FSTL5: variants seen among roughly 807,000 people sequenced by gnomAD.
FSTL5 encodes the protein follistatin like 5.
A neutral mutation model predicts 89.1 loss-of-function variants in FSTL5; 62 were observed. That is an observed-to-expected ratio of 0.70 (90% CI 0.57 to 0.86). The LOEUF is 0.86. FSTL5 is among the 40% of genes least tolerant of loss of function. FSTL5 has a pLI of 0.00. For missense variants in FSTL5, 1,057 were observed against 1,001.6 expected (o/e 1.06, Z -0.75); for synonymous variants, 383 against 346.2 (o/e 1.11, Z -1.18).
intron 13 of FSTL5, among the ~76,000 whole-genome samples, chr4:161,473,134 T>C (rs1398441771): frequency 6.6e-6 from 1 of 152,166 alleles, no homozygotes; most frequent in African/African-American, 2.4e-5. Flanking sequence ...CTATTGTCAT[T>C]GGATAGGGTA....
At chr4:161,971,342 G>T (rs573015797) in intron 3 of FSTL5, among the ~76,000 whole-genome samples, 2 of 152,096 alleles carry the variant, frequency 1.3e-5, no homozygotes, top group South Asian at 2.1e-4. Context: ...AGAAATTTAT[G>T]TTACAAATCC....
At chr4:161,778,524 A>G (rs745318455) in intron 4 of FSTL5, among the ~76,000 whole-genome samples, 2 of 152,230 alleles carry the variant, frequency 1.3e-5, no homozygotes, top group Non-Finnish European at 2.9e-5. Flanking sequence ...AATGGAAAAC[A>G]ATCTCTTCCA....
chr4:161,542,493 C>A, intron 9 of FSTL5, 39 bp downstream of exon 9: 1 of 1,299,130 alleles, frequency 7.7e-7, no homozygotes, highest in South Asian at 2.3e-5. Flanking sequence ...AAATTTTCAA[C>A]ATGGTCATTT....
chr4:161,775,918 G>A lies in FSTL5; in HGVS notation c.566C>T (p.Ala189Val). 1.9e-6 allele frequency: 3 copies of A among 1,599,662 alleles called. No individual in the cohort carries two copies. Among genetic ancestry groups the A allele is most frequent in the Non-Finnish European group, 2.6e-6 (3 of 1,173,162 alleles). Reference protein sequence around the residue: ...LVDQMFKYFDADSNGLVDINE... With the variant: ...LVDQMFKYFDVDSNGLVDINE... ...AATATCTACAAGTCCATTACTGTCT[G>A]CATCAAAATATTTAAACATTTGATC... The change falls in exon 5 of 16, where the codon GCA becomes GTA. Residue 189 changes from alanine to valine, a missense_variant. This residue lies in a region of FSTL5 where 980 missense variants were observed against 903.2 expected (regional missense o/e 1.08). Coordinates refer to ENST00000306100, the MANE Select transcript of FSTL5 (RefSeq NM_020116.5).
chr4:161,974,602 CA>C (rs1735579273), intron 3 of FSTL5, among the ~76,000 whole-genome samples: 1 of 122,398 alleles, frequency 8.2e-6, no homozygotes, highest in Non-Finnish European at 1.7e-5. Context: ...AAAATCAATT[CA>C]AGATGGATTA....
At chr4:161,399,413 T>C (rs1163339760) in intron 15 of FSTL5, among the ~76,000 whole-genome samples, 1 of 152,150 alleles carries the variant, frequency 6.6e-6, no homozygotes, top group Non-Finnish European at 1.5e-5. Context: ...TAGAAAATCA[T>C]AATGAAGAGA....
chr4:161,860,607 T>C (rs1205269844), intron 4 of FSTL5, among the ~76,000 whole-genome samples: 2 of 152,248 alleles, frequency 1.3e-5, no homozygotes, highest in Non-Finnish European at 2.9e-5. Flanking sequence ...ACTGGAGCTC[T>C]ACAATTGTTT....
At chr4:161,799,718 G>A (rs563164332) in intron 4 of FSTL5, among the ~76,000 whole-genome samples, 2 of 151,622 alleles carry the variant, frequency 1.3e-5, no homozygotes, top group South Asian at 2.1e-4. Context: ...ATAAGACAAC[G>A]GCTACATTTT....
chr4:161,827,140 A>G (rs1244071316), intron 4 of FSTL5, among the ~76,000 whole-genome samples: 4 of 152,172 alleles, frequency 2.6e-5, no homozygotes, highest in Non-Finnish European at 5.9e-5. Context: ...TTTGTCCCAC[A>G]GGGTGCTCCC....
At chr4:161,939,507 T>C (rs989317236) in intron 3 of FSTL5, among the ~76,000 whole-genome samples, 6 of 151,982 alleles carry the variant, frequency 3.9e-5, no homozygotes, top group Non-Finnish European at 7.4e-5. Flanking sequence ...GTTTTCTTCT[T>C]GATAACCTGT....
At chr4:161,471,699 A>G (rs919810285) in intron 13 of FSTL5, among the ~76,000 whole-genome samples, 10 of 152,140 alleles carry the variant, frequency 6.6e-5, no homozygotes, top group African/African-American at 2.4e-4. Context: ...TCTTTGAGCT[A>G]TTTTTGATTA....
At chr4:161,820,557 A>G (rs141805048) in intron 4 of FSTL5, among the ~76,000 whole-genome samples, 3 of 152,296 alleles carry the variant, frequency 2.0e-5, no homozygotes, top group African/African-American at 7.2e-5. Context: ...TTCTTATAGT[A>G]GGGTACGGTC....
At chr4:161,604,053 T>C (rs1210648188) in intron 7 of FSTL5, among the ~76,000 whole-genome samples, 1 of 152,200 alleles carries the variant, frequency 6.6e-6, no homozygotes, top group Non-Finnish European at 1.5e-5. Flanking sequence ...CTTCAAATCA[T>C]AAAACTAACC....
chr4:162,024,078 T>C (rs1737192921), intron 3 of FSTL5, among the ~76,000 whole-genome samples: 1 of 152,182 alleles, frequency 6.6e-6, no homozygotes, highest in East Asian at 1.9e-4. Context: ...GCATGCCATT[T>C]GGTGTTTGAA....
chr4:161,442,899 G>T (rs1481605082), intron 15 of FSTL5, among the ~76,000 whole-genome samples: 1 of 151,902 alleles, frequency 6.6e-6, no homozygotes, highest in African/African-American at 2.4e-5. Context: ...AAAGCCAGAT[G>T]GAATTTGGGG....
chr4:161,773,959 T>A (rs113208760), intron 5 of FSTL5, among the ~76,000 whole-genome samples: 1,611 of 151,994 alleles, frequency 0.011, 18 homozygotes, highest in African/African-American at 0.035. Flanking sequence ...ATTCAATGAG[T>A]GGATAAAGAA....
intron 7 of FSTL5, among the ~76,000 whole-genome samples, chr4:161,649,248 A>G (rs1293598431): frequency 6.6e-6 from 1 of 152,212 alleles, no homozygotes; most frequent in African/African-American, 2.4e-5. Flanking sequence ...TCAATTTTAA[A>G]TTAGTATGCC....
intron 2 of FSTL5, among the ~76,000 whole-genome samples, chr4:162,084,270 C>T (rs931887036): frequency 1.3e-5 from 2 of 151,744 alleles, no homozygotes; most frequent in African/African-American, 4.8e-5. Context: ...GTTAAATATT[C>T]AGAGTATCAT....
At chr4:161,619,031 C>T (rs549096664) in intron 7 of FSTL5, among the ~76,000 whole-genome samples, 67 of 152,058 alleles carry the variant, frequency 4.4e-4, no homozygotes, top group South Asian at 4.1e-4. Flanking sequence ...TCAGAAATAA[C>T]GCTGCATATC....
Sources: gnomAD v4.1 joint callset for allele counts (sites outside exome capture counted in the v4.1 genomes callset) on GRCh38, gnomAD v4.1.1 for gene constraint, gnomAD v4.1.1 regional missense constraint, MANE v1.5 for transcripts, NCBI Gene and HGNC (gene_info 2026-07-23, HGNC 2026-07-21) for gene names.